TBC1D22A: variants seen among roughly 807,000 people sequenced by gnomAD.
TBC1D22A encodes the protein TBC1 domain family member 22A, also known as putative GTPase activator.
In TBC1D22A, 38 loss-of-function variants were observed where a neutral mutation model predicts 60.2. That is an observed-to-expected ratio of 0.63 (90% CI 0.49 to 0.83). The LOEUF (loss-of-function observed/expected upper bound fraction) is 0.83, where lower values mean the gene tolerates loss of function less well. Among genes scored for constraint, TBC1D22A ranks in the 40% least tolerant of loss-of-function variants. The pLI is 0.00. For synonymous variants in TBC1D22A, 302 were observed against 281.7 expected, an observed-to-expected ratio of 1.07 and a Z score of -0.72; for missense variants, 628 against 701.0, an observed-to-expected ratio of 0.90 and a Z score of 1.18.
At chr22:46,897,225 A>T (rs990616721) in intron 7 of TBC1D22A, among the ~76,000 whole-genome samples, 2 of 152,288 alleles carry the variant, frequency 1.3e-5, no homozygotes, top group Non-Finnish European at 2.9e-5. Flanking sequence ...TCGGGAGTGG[A>T]CCTGAGCAAG....
chr22:47,076,408 C>CACATAT (rs1556106069), intron 11 of TBC1D22A, among the ~76,000 whole-genome samples: 1 of 102,478 alleles, frequency 9.8e-6, no homozygotes, highest in Non-Finnish European at 1.9e-5. Flanking sequence ...CACACACACA[C>CACATAT]ATATATATAT....
intron 10 of TBC1D22A, among the ~76,000 whole-genome samples, chr22:47,002,076 A>G (rs1415620943): frequency 6.6e-6 from 1 of 152,264 alleles, no homozygotes; most frequent in Non-Finnish European, 1.5e-5. Context: ...GATTTTGTAT[A>G]TAAAATCAAC....
At chr22:47,063,941 C>T (rs941821529) in intron 11 of TBC1D22A, among the ~76,000 whole-genome samples, 2 of 149,442 alleles carry the variant, frequency 1.3e-5, no homozygotes, top group African/African-American at 5.0e-5. Flanking sequence ...GGCCCCCCTA[C>T]TCCAGTGTGG....
intron 11 of TBC1D22A, among the ~76,000 whole-genome samples, chr22:47,083,348 G>GAC (rs10549216): frequency 0.025 from 3,662 of 148,630 alleles, 51 homozygotes; most frequent in Middle Eastern, 0.041. Context: ...ATACTTAGAA[G>GAC]ACACACACAC....
chr22:46,872,231 C>T lies in TBC1D22A; in HGVS notation c.638-6422C>T, dbSNP rs570803885. 4.6e-5 allele frequency among the ~76,000 whole-genome samples: 7 copies of T among 152,210 alleles called. No homozygotes were observed. In the East Asian group the frequency reaches 7.7e-4, roughly 17 times the overall value. ...ACTGTATCAAACATTTAAAGTCTATCAAACATTTAAAGAAGAAATAATAGC... is the reference window on the plus strand; with the variant it reads ...ACTGTATCAAACATTTAAAGTCTATTAAACATTTAAAGAAGAAATAATAGC... On this transcript the variant is annotated intron_variant, in intron 4 of 12. Transcript: ENST00000337137.
intron 9 of TBC1D22A, among the ~76,000 whole-genome samples, chr22:46,981,975 GATAGA>G (rs557862434): frequency 0.01 from 1,568 of 152,302 alleles, 29 homozygotes; most frequent in African/African-American, 0.036. Context: ...TAGGGAGCCA[GATAGA>G]CCAAGGTCTG....
At chr22:46,938,196 A>G (rs1164491236) in intron 8 of TBC1D22A, among the ~76,000 whole-genome samples, 1 of 152,166 alleles carries the variant, frequency 6.6e-6, no homozygotes, top group Non-Finnish European at 1.5e-5. Context: ...AATGCCTTAG[A>G]CAGGTGTACA....
At chr22:47,108,767 C>T (rs1013925568) in intron 11 of TBC1D22A, among the ~76,000 whole-genome samples, 11 of 152,214 alleles carry the variant, frequency 7.2e-5, no homozygotes, top group Admixed American at 5.9e-4. Context: ...TCGATCTCGG[C>T]TCACTGCAAG....
At chr22:47,098,635 C>G (rs1356999322) in intron 11 of TBC1D22A, among the ~76,000 whole-genome samples, 1 of 152,160 alleles carries the variant, frequency 6.6e-6, no homozygotes, top group Non-Finnish European at 1.5e-5. Context: ...CCAGGCTGCC[C>G]TGGGGAAGGG....
intron 4 of TBC1D22A, among the ~76,000 whole-genome samples, chr22:46,803,922 G>C (rs1234025890): frequency 6.6e-6 from 1 of 152,218 alleles, no homozygotes; most frequent in Non-Finnish European, 1.5e-5. Flanking sequence ...GTGTCACATA[G>C]TAGGTACTTG....
At chr22:47,082,943 G>A (rs2144411) in intron 11 of TBC1D22A, among the ~76,000 whole-genome samples, 66,635 of 152,086 alleles carry the variant, frequency 0.44, 14,967 homozygotes, top group East Asian at 0.59. Context: ...GCCAAAACCT[G>A]GAAACAATGC....
intron 9 of TBC1D22A, among the ~76,000 whole-genome samples, chr22:46,988,266 G>A (rs1000273945): frequency 2.0e-5 from 3 of 152,078 alleles, no homozygotes; most frequent in African/African-American, 7.2e-5. Context: ...AGTCATTCAC[G>A]AATGTTAGAA....
intron 12 of TBC1D22A, among the ~76,000 whole-genome samples, chr22:47,115,386 T>G (rs1035893894): frequency 2.3e-5 from 3 of 130,950 alleles, no homozygotes; most frequent in African/African-American, 8.8e-5. Flanking sequence ...TGATGTCCAG[T>G]GGGGCCTCTC....
At chr22:46,960,369 C>A (rs1217568445) in intron 8 of TBC1D22A, among the ~76,000 whole-genome samples, 4 of 152,168 alleles carry the variant, frequency 2.6e-5, no homozygotes, top group South Asian at 2.1e-4. Flanking sequence ...TCAAGCGATT[C>A]TTCTGCATCA....
chr22:47,115,484 C>T (rs935380883), intron 12 of TBC1D22A, among the ~76,000 whole-genome samples: 1 of 152,148 alleles, frequency 6.6e-6, no homozygotes, highest in Non-Finnish European at 1.5e-5. Flanking sequence ...GCCACTCTCC[C>T]ACCAGACTTT....
chr22:47,131,829 G>T (rs557105946), intron 12 of TBC1D22A, among the ~76,000 whole-genome samples: 3 of 152,338 alleles, frequency 2.0e-5, no homozygotes, highest in Admixed American at 6.5e-5. Context: ...CCACATGGGA[G>T]CCAGAAGTGA....
At chr22:47,053,678 C>G (rs886109842) in intron 11 of TBC1D22A, among the ~76,000 whole-genome samples, 3 of 152,230 alleles carry the variant, frequency 2.0e-5, no homozygotes, top group Non-Finnish European at 4.4e-5. Flanking sequence ...TATTGTCGGG[C>G]TCATCTTTGG....
intron 5 of TBC1D22A, among the ~76,000 whole-genome samples, chr22:46,890,374 A>C (rs1354682548): frequency 3.9e-5 from 6 of 152,122 alleles, no homozygotes. Context: ...GTAACAGTGC[A>C]ACAAAAGATA....
intron 11 of TBC1D22A, among the ~76,000 whole-genome samples, chr22:47,094,571 C>T (rs1215729096): frequency 6.6e-6 from 1 of 152,172 alleles, no homozygotes; most frequent in Non-Finnish European, 1.5e-5. Flanking sequence ...AAGATAAATG[C>T]CCTCTGTCTA....
Sources: allele counts gnomAD v4.1 joint callset (sites outside exome capture counted in the v4.1 genomes callset), GRCh38; gene constraint gnomAD v4.1.1; transcripts MANE v1.5; gene names NCBI Gene and HGNC (gene_info 2026-07-23, HGNC 2026-07-21).